Variants in ARHGAP33 observed in about 807,000 individuals in gnomAD.
ARHGAP33 encodes Rho GTPase activating protein 33.
In ARHGAP33, 57 loss-of-function variants were observed where a neutral mutation model predicts 126.2. That is an observed-to-expected ratio of 0.45 (90% CI 0.36 to 0.56). The LOEUF (loss-of-function observed/expected upper bound fraction) is 0.56, where lower values mean the gene tolerates loss of function less well. Ranked by LOEUF, ARHGAP33 falls within the 20% of genes least tolerant of loss-of-function variation. ARHGAP33 has a pLI of 0.00. For synonymous variants in ARHGAP33, 711 were observed against 755.0 expected (o/e 0.94, Z 0.95); for missense variants, 1,500 against 1,748.3 (o/e 0.86, Z 2.53).
At position 35,784,298 on chromosome 19, in the gene ARHGAP33, C is replaced by T. The variant is rs372899016; in HGVS notation, c.1548C>T (p.Ser516=). 111 of 1,589,130 alleles carry T rather than the reference C, an allele frequency of 7.0e-5. No homozygotes were observed. Among genetic ancestry groups the T allele is most frequent in the African/African-American group, 6.3e-4 (47 of 74,096 alleles). The part of the protein sequence containing the change: ...VDVLFSDTFT[S]AGLDPAGRCL... Reference sequence around the variant, plus strand: ...TCCTGTTCAGCGACACCTTCACCTCCGCCGGCCTCGACCCTGCAGGTATGC... The same window carrying T: ...TCCTGTTCAGCGACACCTTCACCTCTGCCGGCCTCGACCCTGCAGGTATGC... Residue 516 remains serine (S), a synonymous_variant, in exon 16 of 21, where the codon TCC becomes TCT. Transcript: ENST00000007510.
At chr19:35,785,775 A>G in intron 19 of ARHGAP33, 2 of 1,253,768 alleles carry the variant, frequency 1.6e-6, no homozygotes, top group Non-Finnish European at 2.0e-6. Context: ...CAGCAGCCAG[A>G]ACTAGAGCAG....
At chr19:35,777,122 G>T (rs1277376120) in intron 1 of ARHGAP33, among the ~76,000 whole-genome samples, 1 of 152,160 alleles carries the variant, frequency 6.6e-6, no homozygotes, top group Non-Finnish European at 1.5e-5. Context: ...ACAGAAATCA[G>T]CTCAGGGAAG....
In ARHGAP33 at chr19:35,786,426, G is replaced by A. The variant is rs1429824047; in HGVS notation, c.1956G>A (p.Leu652=). Residue 652 remains leucine (L), a synonymous_variant, in exon 20 of 21, where the codon CTG becomes CTA. Transcript: ENST00000007510. The surrounding 1 kb of genome is among the most constrained non-coding windows in gnomAD (Gnocchi z 7.0). ...CCACCCCTCCAGGCCTCCAGAGGCT[G>A]CACAGGCTGCGGCGACCCCACTCCA... ...SQASGAGLQR[L]HRLRRPHSSS... is the part of the protein sequence containing the mutation. 8.5e-6 allele frequency: 13 copies of A among 1,533,460 alleles called. No individual in the cohort carries two copies. Among genetic ancestry groups the A allele is most frequent in the Non-Finnish European group, 1.1e-5 (13 of 1,145,374 alleles). The allele number at this position is 1,533,460 out of a possible 1,614,324, so 95.0% of individuals were successfully genotyped here.
rs1433192847 is a variant in ARHGAP33, at chr19:35,787,265, G to A, written c.2700G>A (p.Met900Ile). The A allele has an allele frequency of 1.2e-6, 2 of 1,612,084 alleles. No homozygotes were observed. The highest frequency in any genetic ancestry group is 1.7e-6 in the Non-Finnish European group (2 of 1,179,498). The change falls in exon 21 of 21, where the codon ATG becomes ATA. Residue 900 changes from methionine to isoleucine, a missense_variant. By Grantham distance (10) the Met-to-Ile change is conservative. This residue lies in a region of ARHGAP33 where 642 missense variants were observed against 634.0 expected (regional missense o/e 1.01). Coordinates refer to ENST00000007510, the MANE Select transcript of ARHGAP33 (RefSeq NM_001366178.1). ...CCCCTAAGAACCCAGCACGCCTCAT[G>A]GCCCTGGCCCTGGCTGAGCGGGCTC... ...PPPPKNPARL[M>I]ALALAERAQQ... is the part of the protein sequence containing the mutation.
chr19:35,780,845 C>A, intron 10 of ARHGAP33, 29 bp downstream of exon 10: 1 of 1,613,568 alleles, frequency 6.2e-7, no homozygotes, highest in Non-Finnish European at 8.5e-7. Context: ...CAGGTCCCAG[C>A]CCCTACCCCA....
Position 35,775,566 on chromosome 19 carries a change from C to A in ARHGAP33, c.-93C>A, listed in dbSNP as rs1033128567. 2.2e-6 allele frequency: 3 copies of A among 1,385,546 alleles called. No homozygotes were observed. Among genetic ancestry groups the A allele is most frequent in the East Asian group, 6.2e-5 (2 of 32,168 alleles). The allele number at this position is 1,385,546 out of a possible 1,614,324, so 85.8% of individuals were successfully genotyped here. A position where few individuals can be genotyped will look rare whatever the true frequency, so the allele number is the denominator to read the frequency against. On this transcript the variant is annotated 5_prime_UTR_variant, in exon 1 of 21. Coordinates refer to ENST00000007510, the MANE Select transcript of ARHGAP33 (RefSeq NM_001366178.1). Reference sequence around the variant, plus strand: ...GCAGCCGCCCGCGCGCGGCTCGCGCCCTCCCCTTTGTGTCGCCATGGCGGC... The same window carrying A: ...GCAGCCGCCCGCGCGCGGCTCGCGCACTCCCCTTTGTGTCGCCATGGCGGC...
At chr19:35,775,798 T>C in intron 1 of ARHGAP33, 134 bp downstream of exon 1, 1 of 870,096 alleles carries the variant, frequency 1.1e-6, no homozygotes, top group East Asian at 3.4e-5. Context: ...CCTCCCGTCC[T>C]GCGGCCCCAT....
intron 1 of ARHGAP33, among the ~76,000 whole-genome samples, 193 bp downstream of exon 1, chr19:35,775,857 C>A (rs1014060715): frequency 6.6e-6 from 1 of 151,980 alleles, no homozygotes; most frequent in African/African-American, 2.4e-5. Context: ...CGCGCATCCC[C>A]GTCTTCCACG....
In ARHGAP33 at chr19:35,781,902, G is replaced by A. The variant is rs559984519; in HGVS notation, c.1086-471G>A. Among the ~76,000 whole-genome samples, 48 of 152,254 alleles carry A rather than the reference G, an allele frequency of 3.2e-4. No individual in the cohort carries two copies. The East Asian group carries it at 9.1e-3, about 29-fold the overall frequency. On this transcript the variant is annotated intron_variant, in intron 12 of 20. Coordinates refer to ENST00000007510, the MANE Select transcript of ARHGAP33 (RefSeq NM_001366178.1). ...CAGGCGAGATCTCGGCCTGCAGGAG[G>A]CTGAGAGGGGAGTGCTTGAAGCCTG...
In ARHGAP33 at chr19:35,787,419, C is replaced by A; in HGVS notation, c.2854C>A (p.Pro952Thr). The part of the protein sequence containing the change: ...EPLGTSGSGP[P>T]PNSLAHPGAW... ...CCTGGGGACCTCAGGGAGTGGGCCA[C>A]CTCCCAACTCCCTAGCACACCCGGG... The change falls in exon 21 of 21, where the codon CCT becomes ACT. Residue 952 changes from proline to threonine, a missense_variant. Physicochemically the swap from Pro to Thr is conservative, Grantham distance 38. This residue lies in a region of ARHGAP33 where 642 missense variants were observed against 634.0 expected (regional missense o/e 1.01). Coordinates refer to ENST00000007510, the MANE Select transcript of ARHGAP33 (RefSeq NM_001366178.1). 1.2e-6 allele frequency: 2 copies of A among 1,610,982 alleles called. No individual in the cohort carries two copies. Among genetic ancestry groups the A allele is most frequent in the South Asian group, 2.2e-5 (2 of 90,884 alleles).
Position 35,786,043 on chromosome 19 carries a change from G to A in ARHGAP33, c.1943-370G>A, listed in dbSNP as rs1037983771. The A allele has an allele frequency of 1.8e-5, 21 of 1,154,382 alleles. No individual in the cohort carries two copies. In the African/African-American group the frequency reaches 3.4e-4, roughly 18 times the overall value. 71.5% of individuals were successfully genotyped at this position (1,154,382 alleles called of 1,614,324 possible). On this transcript the variant is annotated intron_variant, in intron 19 of 20. Coordinates refer to ENST00000007510, the MANE Select transcript of ARHGAP33 (RefSeq NM_001366178.1). This position sits in a 1 kb window ranked among gnomAD's most constrained non-coding sequence, Gnocchi z 7.0. ...TGCTGGGTGCTGCTCTCCGACCTCT[G>A]CGGGGGGCTGCTTATCCACCCCACC... is the stretch of plus-strand genomic sequence containing the variant.
At position 35,787,566 on chromosome 19, in the gene ARHGAP33, G is replaced by A; in HGVS notation, c.3001G>A (p.Ala1001Thr). The A allele has an allele frequency of 6.2e-7, 1 of 1,611,572 alleles. No individual in the cohort carries two copies. The highest frequency in any genetic ancestry group is 8.5e-7 in the Non-Finnish European group (1 of 1,179,352). Residue 1001 changes from alanine to threonine, a missense_variant, in exon 21 of 21, where the codon GCC becomes ACC. Ala to Thr is a moderately conservative substitution (Grantham distance 58). This residue lies in a region of ARHGAP33 where 642 missense variants were observed against 634.0 expected (regional missense o/e 1.01). Coordinates refer to ENST00000007510, the MANE Select transcript of ARHGAP33 (RefSeq NM_001366178.1). ...RGLRGPAQVS[A>T]QLRAGGGGRD... ...ACTCCGAGGCCCTGCCCAGGTCAGT[G>A]CCCAGCTCAGGGCAGGTGGCGGGGG...
In ARHGAP33 at chr19:35,784,279, T is replaced by G. The variant is rs1015955959; in HGVS notation, c.1529T>G (p.Phe510Cys). The change falls in exon 16 of 21, where the codon TTC becomes TGC. Residue 510 changes from phenylalanine to cysteine, a missense_variant. This residue lies in a region of ARHGAP33 where 281 missense variants were observed against 413.7 expected (regional missense o/e 0.68). Coordinates refer to ENST00000007510, the MANE Select transcript of ARHGAP33 (RefSeq NM_001366178.1). ...EFLLTHVDVL[F>C]SDTFTSAGLD... Reference sequence around the variant, plus strand: ...CTGCTCACCCATGTGGACGTCCTGTTCAGCGACACCTTCACCTCCGCCGGC... The same window carrying G: ...CTGCTCACCCATGTGGACGTCCTGTGCAGCGACACCTTCACCTCCGCCGGC... 6.2e-7 allele frequency: 1 copy of G among 1,606,902 alleles called. No individual in the cohort carries two copies. The highest frequency in any genetic ancestry group is 1.3e-5 in the African/African-American group (1 of 74,464).
At chr19:35,777,352 G>C (rs1367197137) in intron 1 of ARHGAP33, among the ~76,000 whole-genome samples, 1 of 152,160 alleles carries the variant, frequency 6.6e-6, no homozygotes, top group Non-Finnish European at 1.5e-5. Flanking sequence ...ACTGTACTCT[G>C]CAGGGGCTAC....
chr19:35,785,492 G>C lies in ARHGAP33; in HGVS notation c.1942+9G>C. 1 of 1,614,196 alleles carries C rather than the reference G, an allele frequency of 6.2e-7. No individual in the cohort carries two copies. The highest frequency in any genetic ancestry group is 1.3e-5 in the African/African-American group (1 of 75,074). ...GCAGGCCAGCGGGGCTGGTGAGCAA[G>C]GCGGGCAATTGGGGGGCGCTACCTG... On this transcript the variant is annotated intron_variant, in intron 19 of 20. Coordinates refer to ENST00000007510, the MANE Select transcript of ARHGAP33 (RefSeq NM_001366178.1).
chr19:35,781,372 G>GGGGTCAGGGACAGCTCTCTT, intron 12 of ARHGAP33, 120 bp downstream of exon 12: 2 of 1,000,152 alleles, frequency 2.0e-6, no homozygotes, highest in Non-Finnish European at 3.1e-6. Context: ...GATCAAGGCT[G>GGGGTCAGGGACAGCTCTCTT]GGGTCAGGGA....
Position 35,778,345 on chromosome 19 carries a change from G to T in ARHGAP33, c.255G>T (p.Val85=). The stretch of plus-strand genomic sequence containing the variant: ...GAGAGAATGAGCTGGTGTTCGGGGT[G>T]CAGGTGACCTGTCAGGTGAGGCCAT... ...LSGENELVFG[V]QVTCQGRSWP... Residue 85 remains valine (V), a synonymous_variant, in exon 4 of 21, where the codon GTG becomes GTT. Coordinates refer to ENST00000007510, the MANE Select transcript of ARHGAP33 (RefSeq NM_001366178.1). The T allele has an allele frequency of 6.2e-7, 1 of 1,614,208 alleles. No homozygotes were observed. Among genetic ancestry groups the T allele is most frequent in the Non-Finnish European group, 8.5e-7 (1 of 1,180,028 alleles).
rs1450310832 is a variant in ARHGAP33 at position 35,785,061 on chromosome 19, C to T, written c.1676C>T (p.Pro559Leu). The T allele has an allele frequency of 1.3e-6, 2 of 1,560,726 alleles. No individual in the cohort carries two copies. The highest frequency in any genetic ancestry group is 2.4e-5 in the East Asian group (1 of 41,948). Reference protein sequence around the residue: ...QARTQGRLGTPTEPTTPKAPA... With the variant: ...QARTQGRLGTLTEPTTPKAPA... ...CGCACCCAGGGCCGGCTGGGGACGC[C>T]CACGGAGCCCACAACTCCCAAGGCC... Residue 559 changes from proline (P) to leucine (L), a missense_variant, in exon 17 of 21, where the codon CCC becomes CTC. Pro to Leu is a moderately conservative substitution (Grantham distance 98, BLOSUM62 -3). Transcript: ENST00000007510.
Position 35,778,610 on chromosome 19 carries a change from C to T in ARHGAP33, c.408+9C>T. 1 of 1,611,264 alleles carries T rather than the reference C, an allele frequency of 6.2e-7. No individual in the cohort carries two copies. The highest frequency in any genetic ancestry group is 1.1e-5 in the South Asian group (1 of 90,810). On this transcript the variant is annotated intron_variant, in intron 5 of 20. Transcript: ENST00000007510. Reference sequence around the variant, plus strand: ...GTGCCAGGGCTGCCCAGGTAACCTGCTTGTTGTCTCAGCCCCTGCCTCATG... The same window carrying T: ...GTGCCAGGGCTGCCCAGGTAACCTGTTTGTTGTCTCAGCCCCTGCCTCATG...
Sources: allele counts gnomAD v4.1 joint callset (sites outside exome capture counted in the v4.1 genomes callset), GRCh38; gene constraint gnomAD v4.1.1; regional missense constraint gnomAD v4.1.1; non-coding constraint Gnocchi (gnomAD v3.1); transcripts MANE v1.5; gene names NCBI Gene and HGNC (gene_info 2026-07-23, HGNC 2026-07-21).